SORCS3: variants seen among roughly 807,000 people sequenced by gnomAD.
The protein encoded by SORCS3 is VPS10 domain-containing receptor SorCS3.
A neutral mutation model predicts 146.3 loss-of-function variants in SORCS3; 57 were observed. The observed-to-expected ratio is 0.39, with a 90% CI of 0.31 to 0.49. SORCS3 has a LOEUF of 0.49. SORCS3 is among the 20% of genes least tolerant of loss of function. The pLI, the probability that SORCS3 is intolerant of heterozygous loss-of-function variation, is 0.92. For missense variants in SORCS3, 1,341 were observed against 1,575.5 expected (o/e 0.85, Z 2.52); for synonymous variants, 653 against 618.5 (o/e 1.06, Z -0.83).
At chr10:105,227,269 A>G (rs1181394939) in intron 20 of SORCS3, among the ~76,000 whole-genome samples, 3 of 152,044 alleles carry the variant, frequency 2.0e-5, no homozygotes, top group Non-Finnish European at 2.9e-5. Flanking sequence ...TTTTGTTTCA[A>G]AATTTTTAAA....
intron 9 of SORCS3, among the ~76,000 whole-genome samples, chr10:105,148,955 A>G (rs1393757759): frequency 6.6e-6 from 1 of 152,078 alleles, no homozygotes; most frequent in Non-Finnish European, 1.5e-5. Context: ...GTTTTCACAT[A>G]CTGTTCTCAT....
At chr10:104,928,090 G>A (rs1235330275) in intron 3 of SORCS3, among the ~76,000 whole-genome samples, 1 of 152,190 alleles carries the variant, frequency 6.6e-6, no homozygotes, top group Non-Finnish European at 1.5e-5. Context: ...TTTTAAGTAT[G>A]TGGGTTTTAG....
chr10:105,029,044 G>A (rs1172271752), intron 4 of SORCS3, among the ~76,000 whole-genome samples: 1 of 152,160 alleles, frequency 6.6e-6, no homozygotes, highest in Non-Finnish European at 1.5e-5. Flanking sequence ...ACAAAAACGG[G>A]TGGGTCATAG....
At chr10:104,988,416 G>A (rs1038406595) in intron 4 of SORCS3, among the ~76,000 whole-genome samples, 7 of 152,160 alleles carry the variant, frequency 4.6e-5, no homozygotes, top group African/African-American at 1.7e-4. Context: ...GGGACTTTGA[G>A]GGTAGAAGCC....
Position 105,262,078 on chromosome 10 carries a change from T to G in SORCS3, c.3444-253T>G, listed in dbSNP as rs186608713. Among the ~76,000 whole-genome samples the G allele has an allele frequency of 8.5e-5, 13 of 152,286 alleles. No individual in the cohort carries two copies. In the East Asian group the frequency reaches 2.5e-3, roughly 29 times the overall value. ...TGCCTTTTTGTTTATACCTTCTTGT[T>G]TTTTACCCACAGGAAAAGGTGCATT... On this transcript the variant is annotated intron_variant, in intron 25 of 26. Coordinates refer to ENST00000369701, the MANE Select transcript of SORCS3 (RefSeq NM_014978.3).
chr10:104,707,953 G>A (rs2016357848), intron 1 of SORCS3, among the ~76,000 whole-genome samples: 1 of 152,218 alleles, frequency 6.6e-6, no homozygotes, highest in Non-Finnish European at 1.5e-5. Context: ...AGTGAGAGGG[G>A]TTGAGATGAA....
rs2119518776 is a variant in SORCS3, at chr10:105,164,346, C to A, written c.1776C>A (p.Phe592Leu). 1.2e-6 allele frequency: 2 copies of A among 1,613,494 alleles called. No individual in the cohort carries two copies. Among genetic ancestry groups the A allele is most frequent in the African/African-American group, 1.3e-5 (1 of 75,002 alleles). The change falls in exon 12 of 27, where the codon TTC becomes TTA. Residue 592 changes from phenylalanine (F) to leucine (L), a missense_variant. Transcript: ENST00000369701. ...PELSYTDIGVFISSDGGNTWR... is the reference protein window; with the variant it reads ...PELSYTDIGVLISSDGGNTWR... Reference sequence around the variant, plus strand: ...TCTCATATACTGATATTGGTGTGTTCATCTCCTCCGATGGGGGCAACACAT... The same window carrying A: ...TCTCATATACTGATATTGGTGTGTTAATCTCCTCCGATGGGGGCAACACAT...
At chr10:104,989,748 A>G (rs1394930458) in intron 4 of SORCS3, among the ~76,000 whole-genome samples, 1 of 152,180 alleles carries the variant, frequency 6.6e-6, no homozygotes, top group Admixed American at 6.5e-5. Context: ...GAGAGCAAGG[A>G]GTTCAAGGAT....
intron 7 of SORCS3, among the ~76,000 whole-genome samples, chr10:105,127,670 C>T (rs940131825): frequency 3.9e-5 from 6 of 152,060 alleles, no homozygotes; most frequent in African/African-American, 1.4e-4. Context: ...TATCTACCCT[C>T]AAAGATATTA....
intron 4 of SORCS3, among the ~76,000 whole-genome samples, chr10:105,022,927 A>G (rs1564736854): frequency 6.6e-6 from 1 of 152,160 alleles, no homozygotes. Context: ...AATAAAAAGG[A>G]CTTGAGAAGA....
intron 1 of SORCS3, among the ~76,000 whole-genome samples, chr10:104,689,214 A>G (rs1297061734): frequency 6.6e-6 from 1 of 152,190 alleles, no homozygotes; most frequent in Non-Finnish European, 1.5e-5. Flanking sequence ...TCACACCTCC[A>G]GGACTGTGTA....
intron 1 of SORCS3, among the ~76,000 whole-genome samples, chr10:104,746,177 C>T (rs943469299): frequency 6.6e-6 from 1 of 151,112 alleles, no homozygotes; most frequent in African/African-American, 2.4e-5. Context: ...CGCTCTGTCA[C>T]CCAGGTTGGA....
At chr10:105,040,798 G>A (rs962331852) in intron 4 of SORCS3, among the ~76,000 whole-genome samples, 19 of 151,962 alleles carry the variant, frequency 1.3e-4, no homozygotes, top group African/African-American at 4.4e-4. Context: ...ACTTACTCAT[G>A]TACTGAGAGC....
intron 1 of SORCS3, among the ~76,000 whole-genome samples, chr10:104,765,155 G>A (rs1258839511): frequency 2.0e-5 from 3 of 152,166 alleles, no homozygotes; most frequent in Non-Finnish European, 4.4e-5. Flanking sequence ...GGACCCCGTG[G>A]AACCTAGTCT....
chr10:104,699,759 A>C (rs908324732), intron 1 of SORCS3, among the ~76,000 whole-genome samples: 1 of 152,214 alleles, frequency 6.6e-6, no homozygotes, highest in Non-Finnish European at 1.5e-5. Context: ...ACAAAGTATT[A>C]TAAAACCACA....
chr10:104,763,615 G>A (rs550689956), intron 1 of SORCS3, among the ~76,000 whole-genome samples: 2 of 152,314 alleles, frequency 1.3e-5, no homozygotes, highest in African/African-American at 4.8e-5. Flanking sequence ...CAGAACAGGC[G>A]TGGACTTCTA....
At chr10:105,107,066 C>T (rs570561033) in intron 7 of SORCS3, among the ~76,000 whole-genome samples, 1 of 152,240 alleles carries the variant, frequency 6.6e-6, no homozygotes, top group African/African-American at 2.4e-5. Context: ...TATCAAATAA[C>T]CAACTCAGGA....
chr10:105,054,418 G>A (rs2055432840), intron 5 of SORCS3, among the ~76,000 whole-genome samples: 1 of 151,256 alleles, frequency 6.6e-6, no homozygotes, highest in Admixed American at 6.6e-5. Context: ...TATATAAAAG[G>A]CATAAAAATA....
chr10:105,255,617 A>G (rs2056926757), intron 23 of SORCS3, 85 bp from the exon 24 acceptor site: 4 of 876,218 alleles, frequency 4.6e-6, no homozygotes, highest in Non-Finnish European at 5.6e-6. Context: ...CTTTTTACCT[A>G]TTGACCTTGT....
Sources: gnomAD v4.1 joint callset for allele counts (sites outside exome capture counted in the v4.1 genomes callset) on GRCh38, gnomAD v4.1.1 for gene constraint, MANE v1.5 for transcripts, NCBI Gene and HGNC (gene_info 2026-07-23, HGNC 2026-07-21) for gene names.